PTP4A3: variants seen among roughly 807,000 people sequenced by gnomAD.
The protein encoded by PTP4A3 is protein tyrosine phosphatase type IVA 3.
Under a neutral mutation model 15.2 loss-of-function variants are expected in PTP4A3, and 9 were observed. That is an observed-to-expected ratio of 0.59 (90% CI 0.36 to 1.03). The LOEUF is 1.03. Ranked by LOEUF, PTP4A3 falls within the 50% of genes least tolerant of loss-of-function variation. The pLI is 0.02. For missense variants in PTP4A3, 234 were observed against 252.1 expected, an observed-to-expected ratio of 0.93 and a Z score of 0.49; for synonymous variants, 95 against 102.0, an observed-to-expected ratio of 0.93 and a Z score of 0.41.
intron 4 of PTP4A3, 32 bp downstream of exon 4, chr8:141,427,101 G>T (rs1833611479): frequency 6.3e-7 from 1 of 1,586,504 alleles, no homozygotes; most frequent in African/African-American, 1.3e-5. Context: ...GGCTCGCCAT[G>T]TCAGGTGGTT....
At position 141,431,052 on chromosome 8, in the gene PTP4A3, C is replaced by A; in HGVS notation, c.*8C>A. 2 of 1,612,556 alleles carry A rather than the reference C, an allele frequency of 1.2e-6. No homozygotes were observed. Among genetic ancestry groups the A allele is most frequent in the South Asian group, 1.1e-5 (1 of 91,080 alleles). On this transcript the variant is annotated 3_prime_UTR_variant, in exon 6 of 6. Transcript: ENST00000521578. ...CGGTGCTGCGTTATGTAGCTCAGGA[C>A]CTTGGCTGGGCCTGGTCGTCATGTA...
intron 5 of PTP4A3, among the ~76,000 whole-genome samples, chr8:141,430,251 G>C (rs1833799094): frequency 7.0e-6 from 1 of 143,232 alleles, no homozygotes; most frequent in African/African-American, 2.6e-5. Context: ...GGACCAGGTG[G>C]TGGGGATGGT....
At position 141,432,348 on chromosome 8, in the gene PTP4A3, C is replaced by T. The variant is rs1833910427; in HGVS notation, c.*1304C>T. The T allele has an allele frequency of 1.3e-5, 2 of 152,230 alleles. No homozygotes were observed. The highest frequency in any genetic ancestry group is 1.3e-4 in the Admixed American group (2 of 15,286). 9.4% of individuals were successfully genotyped at this position (152,230 alleles called of 1,614,324 possible). A position where few individuals can be genotyped will look rare whatever the true frequency, so the allele number is the denominator to read the frequency against. ...GGCTAAGGGGGCCGCAGACCTGGCT[C>T]CCCCAGCTCCTGTGTGGAGAAAGGG... On this transcript the variant is annotated 3_prime_UTR_variant, in exon 6 of 6. Transcript: ENST00000521578.
intron 1 of PTP4A3, among the ~76,000 whole-genome samples, chr8:141,417,129 G>A (rs1235082609): frequency 6.6e-6 from 1 of 152,158 alleles, no homozygotes; most frequent in East Asian, 1.9e-4. Flanking sequence ...TCGCAGGGAG[G>A]CGTTTGCTTG....
intron 1 of PTP4A3, among the ~76,000 whole-genome samples, chr8:141,412,483 C>A (rs1325752519): frequency 1.3e-5 from 2 of 152,202 alleles, no homozygotes; most frequent in African/African-American, 2.4e-5. Context: ...CAAGCAGGGG[C>A]TGCCTGCCTG....
At chr8:141,417,973 C>G (rs1251341660) in intron 1 of PTP4A3, among the ~76,000 whole-genome samples, 2 of 151,904 alleles carry the variant, frequency 1.3e-5, no homozygotes, top group Admixed American at 6.6e-5. Flanking sequence ...ACCGTGGGCA[C>G]CGCCAGGCCG....
chr8:141,398,759 G>A (rs183233273), intron 1 of PTP4A3, among the ~76,000 whole-genome samples: 35 of 152,140 alleles, frequency 2.3e-4, no homozygotes, highest in South Asian at 2.3e-3. Flanking sequence ...AGTTGATGAC[G>A]TCATTGTCCA....
chr8:141,416,107 TG>T (rs1245955985), intron 1 of PTP4A3, among the ~76,000 whole-genome samples: 1 of 152,156 alleles, frequency 6.6e-6, no homozygotes, highest in Non-Finnish European at 1.5e-5. Context: ...ATGAGGATGC[TG>T]GGGTCCACTT....
chr8:141,427,846 G>T (rs1260959032), intron 5 of PTP4A3, 22 bp downstream of exon 5: 3 of 1,545,778 alleles, frequency 1.9e-6, no homozygotes, highest in African/African-American at 1.4e-5. Context: ...CGGTGGTGGG[G>T]TGGGCTGTGA....
At chr8:141,416,126 G>A (rs963868580) in intron 1 of PTP4A3, among the ~76,000 whole-genome samples, 3 of 152,178 alleles carry the variant, frequency 2.0e-5, no homozygotes, top group Non-Finnish European at 1.5e-5. Context: ...CTTTTGTAGC[G>A]CCAGAGGCGA....
At chr8:141,397,756 T>C (rs1832489747) in intron 1 of PTP4A3, among the ~76,000 whole-genome samples, 1 of 152,236 alleles carries the variant, frequency 6.6e-6, no homozygotes, top group African/African-American at 2.4e-5. Flanking sequence ...AGAGAGATTC[T>C]GTTATCTTTG....
intron 1 of PTP4A3, among the ~76,000 whole-genome samples, chr8:141,417,943 C>T (rs945697711): frequency 2.0e-5 from 3 of 151,932 alleles, no homozygotes; most frequent in East Asian, 3.9e-4. Context: ...GGAGGGGCGG[C>T]GCCCCGACCC....
chr8:141,410,440 AC>A (rs1248044884), intron 1 of PTP4A3, among the ~76,000 whole-genome samples: 1 of 152,216 alleles, frequency 6.6e-6, no homozygotes, highest in African/African-American at 2.4e-5. Flanking sequence ...AGCCCCATCC[AC>A]GCAGGCTCCC....
chr8:141,396,831 G>A (rs1832463550), intron 1 of PTP4A3, among the ~76,000 whole-genome samples: 1 of 152,152 alleles, frequency 6.6e-6, no homozygotes, highest in South Asian at 2.1e-4. Flanking sequence ...GTGTGGAGCC[G>A]ACAAGCTGAC....
At chr8:141,416,969 A>T (rs1350129648) in intron 1 of PTP4A3, among the ~76,000 whole-genome samples, 5 of 152,092 alleles carry the variant, frequency 3.3e-5, no homozygotes, top group Non-Finnish European at 7.4e-5. Context: ...TGCTGGGGGT[A>T]CCACCCTTGC....
intron 1 of PTP4A3, among the ~76,000 whole-genome samples, chr8:141,418,423 G>T (rs1438894523): frequency 6.6e-6 from 1 of 152,230 alleles, no homozygotes; most frequent in Non-Finnish European, 1.5e-5. Flanking sequence ...CTAGATTTGA[G>T]CCAGAGAGAA....
intron 1 of PTP4A3, among the ~76,000 whole-genome samples, chr8:141,410,845 G>GGA (rs1210445804): frequency 5.3e-5 from 8 of 152,128 alleles, no homozygotes; most frequent in African/African-American, 1.9e-4. Context: ...CAGGCCTTGC[G>GGA]GGTGGAAAGG....
Position 141,431,809 on chromosome 8 carries a change from G to T in PTP4A3, c.*765G>T, listed in dbSNP as rs937273382. 1 of 152,404 alleles carries T rather than the reference G, an allele frequency of 6.6e-6. No homozygotes were observed. Among genetic ancestry groups the T allele is most frequent in the African/African-American group, 2.4e-5 (1 of 41,468 alleles). The allele number at this position is 152,404 out of a possible 1,614,324, so 9.4% of individuals were successfully genotyped here. A position where few individuals can be genotyped will look rare whatever the true frequency, so the allele number is the denominator to read the frequency against. On this transcript the variant is annotated 3_prime_UTR_variant, in exon 6 of 6. Coordinates refer to ENST00000521578, the MANE Select transcript of PTP4A3 (RefSeq NM_032611.3). Reference sequence around the variant, plus strand: ...AGGCAGGTCACCAGCACTGTCCTCTGCAGGATGGGCTGGGATTCATTTGGC... The same window carrying T: ...AGGCAGGTCACCAGCACTGTCCTCTTCAGGATGGGCTGGGATTCATTTGGC...
intron 1 of PTP4A3, among the ~76,000 whole-genome samples, chr8:141,409,258 G>A (rs902301297): frequency 9.9e-5 from 15 of 152,246 alleles, no homozygotes; most frequent in Non-Finnish European, 2.1e-4. Flanking sequence ...GCCAGACAGG[G>A]CAAAGTTCCT....
Sources: allele counts gnomAD v4.1 joint callset (sites outside exome capture counted in the v4.1 genomes callset), GRCh38; gene constraint gnomAD v4.1.1; transcripts MANE v1.5; gene names NCBI Gene and HGNC (gene_info 2026-07-23, HGNC 2026-07-21).